AK4: variants seen among roughly 807,000 people sequenced by gnomAD.
AK4 encodes adenylate kinase 4, mitochondrial.
A neutral mutation model predicts 24.6 loss-of-function variants in AK4; 13 were observed. The ratio of observed to expected loss-of-function variants is 0.53; its 90% confidence interval spans 0.34 to 0.84. AK4 has a LOEUF of 0.84. Ranked by LOEUF, AK4 falls within the 40% of genes least tolerant of loss-of-function variation. The pLI is 0.01. For missense variants in AK4, 192 were observed against 288.2 expected, an observed-to-expected ratio of 0.67 and a Z score of 2.42; for synonymous variants, 88 against 107.0, an observed-to-expected ratio of 0.82 and a Z score of 1.10.
chr1:65,226,977 T>A lies in AK4; in HGVS notation c.*800T>A, dbSNP rs1281925934. ...AGAGGATCTTATTAAACTGCTGGTC[T>A]GACTTTATGGATTGACACTGTTCCT... On this transcript the variant is annotated 3_prime_UTR_variant, in exon 5 of 5. Coordinates refer to ENST00000327299, the MANE Select transcript of AK4 (RefSeq NM_013410.4). 4 of 145,766 alleles carry A rather than the reference T, an allele frequency of 2.7e-5. No homozygotes were observed. The highest frequency in any genetic ancestry group is 6.0e-5 in the Non-Finnish European group (4 of 66,966). The allele number at this position is 145,766 out of a possible 1,614,324, so 9.0% of individuals were successfully genotyped here.
chr1:65,192,153 G>A (rs1443587163), intron 2 of AK4, among the ~76,000 whole-genome samples: 2 of 152,108 alleles, frequency 1.3e-5, no homozygotes, highest in East Asian at 3.9e-4. Flanking sequence ...ACTTTGGACT[G>A]GGCAATTTAT....
At chr1:65,170,954 C>CTTTTT (rs36098576) in intron 1 of AK4, among the ~76,000 whole-genome samples, 1 of 109,034 alleles carries the variant, frequency 9.2e-6, no homozygotes, top group African/African-American at 4.2e-5. Context: ...TGTCTTCTTC[C>CTTTTT]TTTTTTTTTT....
At chr1:65,211,425 G>A (rs1399168271) in intron 2 of AK4, among the ~76,000 whole-genome samples, 1 of 152,228 alleles carries the variant, frequency 6.6e-6, no homozygotes, top group Admixed American at 6.5e-5. Context: ...TCAGGATCAG[G>A]CATTTCTCCC....
At chr1:65,223,701 A>C (rs927122847) in intron 3 of AK4, among the ~76,000 whole-genome samples, 2 of 152,154 alleles carry the variant, frequency 1.3e-5, no homozygotes, top group African/African-American at 4.8e-5. Context: ...TTCAAATCAA[A>C]TACATAAAAC....
chr1:65,197,714 CT>C, intron 2 of AK4, among the ~76,000 whole-genome samples: 1 of 152,302 alleles, frequency 6.6e-6, no homozygotes, highest in East Asian at 1.9e-4. Context: ...AGAAACTAAA[CT>C]ATAGATGCTG....
At chr1:65,210,481 C>T (rs1651939604) in intron 2 of AK4, among the ~76,000 whole-genome samples, 1 of 152,214 alleles carries the variant, frequency 6.6e-6, no homozygotes, top group African/African-American at 2.4e-5. Context: ...CTCCTCGCCA[C>T]ATACACATGC....
chr1:65,218,998 A>C, intron 3 of AK4, 72 bp downstream of exon 3: 1 of 1,285,268 alleles, frequency 7.8e-7, no homozygotes, highest in Non-Finnish European at 1.1e-6. Flanking sequence ...AAGTGGAGAA[A>C]AGGATATGAG....
At chr1:65,199,510 C>T (rs963198597) in intron 2 of AK4, among the ~76,000 whole-genome samples, 12 of 152,018 alleles carry the variant, frequency 7.9e-5, no homozygotes, top group Non-Finnish European at 1.6e-4. Context: ...GATCGTGCTA[C>T]TGTACTTTAG....
chr1:65,152,354 C>CTCTCTA (rs1649809042), intron 1 of AK4, among the ~76,000 whole-genome samples: 3 of 38,006 alleles, frequency 7.9e-5, no homozygotes, highest in African/African-American at 3.6e-4. Flanking sequence ...CTCTCTCTCT[C>CTCTCTA]TCTCTCTATA....
chr1:65,206,674 G>T (rs765828085), intron 2 of AK4, among the ~76,000 whole-genome samples: 7 of 152,244 alleles, frequency 4.6e-5, no homozygotes, highest in Non-Finnish European at 1.0e-4. Flanking sequence ...TGGGTGGGGG[G>T]TGGCTGAGGC....
At chr1:65,207,376 G>A (rs971150676) in intron 2 of AK4, among the ~76,000 whole-genome samples, 3 of 151,930 alleles carry the variant, frequency 2.0e-5, no homozygotes, top group African/African-American at 7.2e-5. Flanking sequence ...CTTCCTGAGG[G>A]CAGGACCCAC....
rs148667216 is a variant in AK4, at chr1:65,176,228, C to T, written c.146-14482C>T. 6.0e-3 allele frequency among the ~76,000 whole-genome samples: 915 copies of T among 152,214 alleles called. 12 individuals carry two copies. Among genetic ancestry groups the T allele is most frequent in the African/African-American group, 0.021 (877 of 41,500 alleles). On this transcript the variant is annotated intron_variant, in intron 1 of 4. Coordinates refer to ENST00000327299, the MANE Select transcript of AK4 (RefSeq NM_013410.4). Reference sequence around the variant, plus strand: ...TCAGTAATGCCAGCCCCTCCCCTACCCAAAGTCATGGCTGTTGTCCATGCA... The same window carrying T: ...TCAGTAATGCCAGCCCCTCCCCTACTCAAAGTCATGGCTGTTGTCCATGCA...
At chr1:65,215,791 C>A (rs1243229110) in intron 2 of AK4, among the ~76,000 whole-genome samples, 1 of 152,192 alleles carries the variant, frequency 6.6e-6, no homozygotes, top group African/African-American at 2.4e-5. Context: ...GCTTGTTACC[C>A]TCATTAGACA....
At chr1:65,200,574 G>T (rs190013483) in intron 2 of AK4, among the ~76,000 whole-genome samples, 1 of 152,310 alleles carries the variant, frequency 6.6e-6, no homozygotes, top group East Asian at 1.9e-4. Flanking sequence ...TACACAGCCT[G>T]ATCAGACTTT....
chr1:65,211,507 C>CGT (rs1246231409), intron 2 of AK4, among the ~76,000 whole-genome samples: 1 of 152,154 alleles, frequency 6.6e-6, no homozygotes, highest in African/African-American at 2.4e-5. Flanking sequence ...TGGTACATGG[C>CGT]GTGTGATTGT....
intron 3 of AK4, among the ~76,000 whole-genome samples, chr1:65,223,452 G>C (rs927154023): frequency 6.6e-6 from 1 of 151,970 alleles, no homozygotes; most frequent in Non-Finnish European, 1.5e-5. Context: ...GCCTCCCAAA[G>C]TGCTGAGATT....
At chr1:65,224,005 TAAATA>T (rs1013128479) in intron 3 of AK4, among the ~76,000 whole-genome samples, 2 of 152,044 alleles carry the variant, frequency 1.3e-5, no homozygotes, top group Admixed American at 6.5e-5. Context: ...AATAAATAAA[TAAATA>T]AAATAAAACC....
intron 2 of AK4, among the ~76,000 whole-genome samples, chr1:65,209,511 C>T (rs1651910474): frequency 1.3e-5 from 2 of 152,344 alleles, no homozygotes; most frequent in South Asian, 4.1e-4. Context: ...TCAGTGATCC[C>T]TGCCGACAGG....
chr1:65,189,024 A>G (rs6663843), intron 1 of AK4, among the ~76,000 whole-genome samples: 46,566 of 151,144 alleles, frequency 0.31, 7,598 homozygotes, highest in East Asian at 0.52. Context: ...ACCTCTGCCT[A>G]CTGGATTCAA....
Sources: allele counts gnomAD v4.1 joint callset (sites outside exome capture counted in the v4.1 genomes callset), GRCh38; gene constraint gnomAD v4.1.1; transcripts MANE v1.5; gene names NCBI Gene and HGNC (gene_info 2026-07-23, HGNC 2026-07-21).